UGT1A9: variants seen among roughly 807,000 people sequenced by gnomAD.
UGT1A9 encodes UDP-glucuronosyltransferase 1A9.
A neutral mutation model predicts 45.0 loss-of-function variants in UGT1A9; 35 were observed. The ratio of observed to expected loss-of-function variants is 0.78; its 90% CI spans 0.59 to 1.03. The LOEUF (loss-of-function observed/expected upper bound fraction) is 1.03, where lower values mean the gene tolerates loss of function less well. UGT1A9 is among the 50% of genes least tolerant of loss of function. The pLI, the probability that UGT1A9 is intolerant of heterozygous loss-of-function variation, is 0.00. For missense variants in UGT1A9, 687 were observed against 666.6 expected (o/e 1.03, Z -0.34); for synonymous variants, 278 against 250.6 (o/e 1.11, Z -1.03).
rs562393404 is a variant in UGT1A9 at position 233,695,404 on chromosome 2, G to A, written c.855+22615G>A. 3.3e-5 allele frequency among the ~76,000 whole-genome samples: 5 copies of A among 150,554 alleles called. No individual in the cohort carries two copies. The East Asian group carries it at 7.7e-4, about 23-fold the overall frequency. ...CTCCCAAAGTGCTGGGATTACAGGC[G>A]TGAGCTACCGCGCCCGGCCTTCTTC... On this transcript the variant is annotated intron_variant, in intron 1 of 4. Coordinates refer to ENST00000354728, the MANE Select transcript of UGT1A9 (RefSeq NM_021027.3).
At chr2:233,711,625 C>T (rs1317772473) in intron 1 of UGT1A9, among the ~76,000 whole-genome samples, 1 of 152,184 alleles carries the variant, frequency 6.6e-6, no homozygotes, top group Non-Finnish European at 1.5e-5. Context: ...CAGCTCCATT[C>T]GCTGCCTGTC....
intron 1 of UGT1A9, chr2:233,741,376 C>T (rs1691643846): frequency 6.6e-6 from 1 of 151,824 alleles, no homozygotes; most frequent in Non-Finnish European, 1.5e-5. Flanking sequence ...ACTGCCCATG[C>T]CTTTCTACCA....
chr2:233,730,635 A>G (rs2078055173), intron 1 of UGT1A9, among the ~76,000 whole-genome samples: 1 of 152,172 alleles, frequency 6.6e-6, no homozygotes, highest in Admixed American at 6.5e-5. Context: ...GGTCTGGTGC[A>G]TGATGTGGGG....
chr2:233,694,249 C>T (rs1192923893), intron 1 of UGT1A9, among the ~76,000 whole-genome samples: 2 of 151,962 alleles, frequency 1.3e-5, no homozygotes, highest in African/African-American at 2.4e-5. Flanking sequence ...GACCTTGAGC[C>T]AGGGACCAGC....
At chr2:233,768,527 T>C in intron 4 of UGT1A9, 88 bp downstream of exon 4, 2 of 1,515,488 alleles carry the variant, frequency 1.3e-6, no homozygotes, top group South Asian at 2.6e-5. Context: ...TAGCATTTAA[T>C]AGCGTTGTTT....
intron 1 of UGT1A9, chr2:233,689,861 TA>T (rs2074963231): frequency 2.2e-6 from 1 of 456,300 alleles, no homozygotes; most frequent in Non-Finnish European, 4.4e-6. Context: ...AGGCTACTAT[TA>T]CCTTCTTGCT....
At chr2:233,713,402 G>T (rs2076318296) in intron 1 of UGT1A9, 1 of 1,614,124 alleles carries the variant, frequency 6.2e-7, no homozygotes, top group Admixed American at 1.7e-5. Flanking sequence ...ATGAGGCCCT[G>T]ATCAGGCACC....
At chr2:233,712,807 G>A (rs181271585) in intron 1 of UGT1A9, among the ~76,000 whole-genome samples, 194 of 152,338 alleles carry the variant, frequency 1.3e-3, no homozygotes, top group African/African-American at 4.6e-3. Context: ...TCTTTCCCAG[G>A]GTGGGGCCCA....
chr2:233,748,300 T>C lies in UGT1A9; in HGVS notation c.856-18734T>C, dbSNP rs533693857. ...AAGAAGAGGCAGACATGAATGTTTA[T>C]CAAAGGATGGACTAGGACTGATGTG... On this transcript the variant is annotated intron_variant, in intron 1 of 4. Transcript: ENST00000354728. Among the ~76,000 whole-genome samples, 169 of 151,842 alleles carry C rather than the reference T, an allele frequency of 1.1e-3. 1 individual carries two copies. Among genetic ancestry groups the C allele is most frequent in the Non-Finnish European group, 1.3e-3 (90 of 68,016 alleles).
chr2:233,675,347 T>C (rs1418987234), intron 1 of UGT1A9, among the ~76,000 whole-genome samples: 1 of 152,208 alleles, frequency 6.6e-6, no homozygotes, highest in African/African-American at 2.4e-5. Flanking sequence ...CAGCAGAACA[T>C]TGAAATAGTT....
At chr2:233,744,043 CA>C (rs1402567766) in intron 1 of UGT1A9, 4 of 743,574 alleles carry the variant, frequency 5.4e-6, no homozygotes, top group Non-Finnish European at 7.6e-6. Flanking sequence ...GACGCAGCCA[CA>C]TCTCATTGGT....
chr2:233,713,640 C>T, intron 1 of UGT1A9: 1 of 1,613,940 alleles, frequency 6.2e-7, no homozygotes. Flanking sequence ...CATGCTCTAC[C>T]CTCTGGCCCT....
intron 1 of UGT1A9, among the ~76,000 whole-genome samples, chr2:233,719,887 G>C (rs2076812718): frequency 6.6e-6 from 1 of 152,130 alleles, no homozygotes; most frequent in Non-Finnish European, 1.5e-5. Flanking sequence ...CACGGATGAG[G>C]GTCTGTCAGA....
chr2:233,745,309 A>G (rs1470353088), intron 1 of UGT1A9, among the ~76,000 whole-genome samples: 1 of 151,872 alleles, frequency 6.6e-6, no homozygotes, highest in African/African-American at 2.4e-5. Context: ...TGCAGTGATT[A>G]TTTCCACTAG....
At chr2:233,690,758 CAT>C (rs55645630) in intron 1 of UGT1A9, 466,618 of 1,124,270 alleles carry the variant, frequency 0.42, 85,204 homozygotes, top group South Asian at 0.44. Flanking sequence ...CCAGTGCAGA[CAT>C]ACACACACAC....
chr2:233,767,408 G>A (rs1042627267), intron 2 of UGT1A9, among the ~76,000 whole-genome samples: 3 of 152,112 alleles, frequency 2.0e-5, no homozygotes, highest in Non-Finnish European at 2.9e-5. Flanking sequence ...TTCTCTAAGA[G>A]ACTCAAAAGT....
At chr2:233,729,141 C>G (rs751723491) in intron 1 of UGT1A9, 1 of 1,613,390 alleles carries the variant, frequency 6.2e-7, no homozygotes, top group South Asian at 1.1e-5. Flanking sequence ...CCACAGGACT[C>G]CAGGTTCCCC....
rs28898579 is a variant in UGT1A9 at position 233,699,172 on chromosome 2, G to C, written c.855+26383G>C. On this transcript the variant is annotated intron_variant, in intron 1 of 4. Transcript: ENST00000354728. ...TTGCAACCTTTCTGTCTGTCTCTCT[G>C]ATCCTCACTTCTTCTTCAGAATCTC... Among the ~76,000 whole-genome samples the C allele has an allele frequency of 1.0e-2, 1,519 of 152,080 alleles. 36 individuals are homozygous for C. The highest frequency in any genetic ancestry group is 0.034 in the African/African-American group (1,425 of 41,468).
At chr2:233,713,260 A>G (rs2076298929) in intron 1 of UGT1A9, 4 of 1,614,086 alleles carry the variant, frequency 2.5e-6, no homozygotes, top group Non-Finnish European at 2.5e-6. Flanking sequence ...GACGAATTTG[A>G]TCGCCTTTTG....
Sources: gnomAD v4.1 joint callset for allele counts (sites outside exome capture counted in the v4.1 genomes callset) on GRCh38, gnomAD v4.1.1 for gene constraint, MANE v1.5 for transcripts, NCBI Gene and HGNC (gene_info 2026-07-23, HGNC 2026-07-21) for gene names.